The following SLC26A11 variants were observed in gnomAD, a reference collection of about 807,000 sequenced individuals.
The protein encoded by SLC26A11 is sodium-independent sulfate anion transporter.
SLC26A11 carries 58 observed loss-of-function variants against 62.2 expected under a neutral mutation model. That is an observed-to-expected ratio of 0.93 (90% CI 0.76 to 1.16). The LOEUF is 1.16. Ranked by LOEUF, SLC26A11 falls within the 50% of genes most tolerant of loss-of-function variation. SLC26A11 has a pLI of 0.00. For missense variants in SLC26A11, 790 were observed against 794.3 expected (o/e 0.99, Z 0.06); for synonymous variants, 411 against 368.9 (o/e 1.11, Z -1.31).
rs1385666774 is a variant in SLC26A11 at position 80,251,391 on chromosome 17, G to A, written c.1719G>A (p.Leu573=). ...DLKGFQYFST[L]EEAEKHLRQE... is the part of the protein sequence containing the mutation. The stretch of plus-strand genomic sequence containing the variant: ...AGGGGTTCCAGTACTTCTCTACCCT[G>A]GAAGAAGCAGGTGGGCACAGTCAGA... The change falls in exon 17 of 18, where the codon CTG becomes CTA. Residue 573 remains leucine, a synonymous_variant. Transcript: ENST00000361193. The A allele has an allele frequency of 1.2e-6, 2 of 1,614,056 alleles. No individual in the cohort carries two copies. Among genetic ancestry groups the A allele is most frequent in the Admixed American group, 1.7e-5 (1 of 59,988 alleles).
In SLC26A11 at chr17:80,245,262, T is replaced by C; in HGVS notation, c.1097+6T>C. On this transcript the variant is annotated splice_donor_region_variant and intron_variant, in intron 11 of 17. Coordinates refer to ENST00000361193, the MANE Select transcript of SLC26A11 (RefSeq NM_001166347.2). ...GTCACAGGCAGCTTTGGACGGTGAG[T>C]GACCTGTCCGCCTCTTCTGTTTGCC... The C allele has an allele frequency of 1.2e-6, 2 of 1,613,658 alleles. No individual in the cohort carries two copies. Among genetic ancestry groups the C allele is most frequent in the South Asian group, 2.2e-5 (2 of 91,058 alleles).
chr17:80,246,412 C>T lies in SLC26A11; in HGVS notation c.1154-97C>T, dbSNP rs1431838968. The T allele has an allele frequency of 2.6e-6, 4 of 1,540,650 alleles. No individual in the cohort carries two copies. Among genetic ancestry groups the T allele is most frequent in the Non-Finnish European group, 3.5e-6 (4 of 1,140,818 alleles). On this transcript the variant is annotated intron_variant, in intron 12 of 17. Coordinates refer to ENST00000361193, the MANE Select transcript of SLC26A11 (RefSeq NM_001166347.2). The surrounding 1 kb of genome is among the most constrained non-coding windows in gnomAD (Gnocchi z 4.4). ...TGGCAGTCGTCGCCCTACCCCCACC[C>T]CTGTCCCCAGTGGGCTCTGCTGAAC... is the stretch of plus-strand genomic sequence containing the variant.
At chr17:80,249,548 G>A (rs2043103678) in intron 16 of SLC26A11, among the ~76,000 whole-genome samples, 1 of 152,180 alleles carries the variant, frequency 6.6e-6, no homozygotes, top group African/African-American at 2.4e-5. Flanking sequence ...CCTTTGTGCT[G>A]GGGACACACA....
chr17:80,245,192 C>G lies in SLC26A11; in HGVS notation c.1037-4C>G. 1 of 1,613,922 alleles carries G rather than the reference C, an allele frequency of 6.2e-7. No homozygotes were observed. The highest frequency in any genetic ancestry group is 8.5e-7 in the Non-Finnish European group (1 of 1,179,964). The stretch of plus-strand genomic sequence containing the variant: ...ACGATCAGCCTGTCTTGCCTCCTCC[C>G]CAGGTCTCACCAACATGTTGGGCTC... On this transcript the variant is annotated splice_polypyrimidine_tract_variant and splice_region_variant and intron_variant, in intron 10 of 17. Transcript: ENST00000361193.
chr17:80,237,679 T>C, intron 9 of SLC26A11, 85 bp downstream of exon 9: 1 of 1,286,192 alleles, frequency 7.8e-7, no homozygotes, highest in South Asian at 1.3e-5. Flanking sequence ...CCTTTATCCG[T>C]TACTAGTTTT....
chr17:80,249,631 C>T (rs1054000394), intron 16 of SLC26A11, among the ~76,000 whole-genome samples: 4 of 152,138 alleles, frequency 2.6e-5, no homozygotes, highest in Non-Finnish European at 5.9e-5. Context: ...TGAGGCTAGG[C>T]GTGGTGGCAC....
intron 10 of SLC26A11, 39 bp from the exon 11 acceptor site, chr17:80,245,156 GC>G: frequency 6.3e-7 from 1 of 1,596,114 alleles, no homozygotes; most frequent in African/African-American, 1.3e-5. Flanking sequence ...CATCCTGTGT[GC>G]CTTCCCTCCA....
Position 80,223,036 on chromosome 17 carries a change from G to A in SLC26A11, c.427+189G>A. 1 of 733,248 alleles carries A rather than the reference G, an allele frequency of 1.4e-6. No individual in the cohort carries two copies. Among genetic ancestry groups the A allele is most frequent in the Non-Finnish European group, 2.2e-6 (1 of 447,282 alleles). The allele number at this position is 733,248 out of a possible 1,614,324, so 45.4% of individuals were successfully genotyped here. ...TTAGTCTACTCTTTTCTGCTTAGAG[G>A]CCAGGACACTTGGAGAAGTGCCTGT... On this transcript the variant is annotated intron_variant, in intron 4 of 17. Coordinates refer to ENST00000361193, the MANE Select transcript of SLC26A11 (RefSeq NM_001166347.2). This position sits in a 1 kb window ranked among gnomAD's most constrained non-coding sequence, Gnocchi z 4.6.
At chr17:80,239,629 A>G (rs140050695) in intron 9 of SLC26A11, among the ~76,000 whole-genome samples, 21,217 of 151,162 alleles carry the variant, frequency 0.14, 2,202 homozygotes, top group African/African-American at 0.29. Flanking sequence ...TGCCTGCCTT[A>G]GCCTCTCAAA....
intron 9 of SLC26A11, among the ~76,000 whole-genome samples, chr17:80,241,423 C>G (rs1176247053): frequency 2.6e-5 from 4 of 152,134 alleles, no homozygotes; most frequent in Non-Finnish European, 5.9e-5. Flanking sequence ...CCATGCTTGG[C>G]TAATTTTTGT....
At chr17:80,239,391 C>CTTTCCT (rs1555629305) in intron 9 of SLC26A11, among the ~76,000 whole-genome samples, 1 of 131,606 alleles carries the variant, frequency 7.6e-6, no homozygotes, top group African/African-American at 2.8e-5. Context: ...CCAGTAATTT[C>CTTTCCT]TTTTTTTTTT....
At position 80,245,691 on chromosome 17, in the gene SLC26A11, G is replaced by A. The variant is rs566399764; in HGVS notation, c.1097+435G>A. Among the ~76,000 whole-genome samples, 7 of 152,330 alleles carry A rather than the reference G, an allele frequency of 4.6e-5. No homozygotes were observed. In the East Asian group the frequency reaches 9.7e-4, roughly 21 times the overall value. On this transcript the variant is annotated intron_variant, in intron 11 of 17. Coordinates refer to ENST00000361193, the MANE Select transcript of SLC26A11 (RefSeq NM_001166347.2). ...TGGTGCCAGAGTCAATTCCTGAAAG[G>A]ACGTGGAGATAGGAAGGGCCTCGGC...
chr17:80,237,681 A>T (rs2042737384), intron 9 of SLC26A11, 87 bp downstream of exon 9: 51 of 1,285,880 alleles, frequency 4.0e-5, no homozygotes, highest in Non-Finnish European at 5.4e-5. Flanking sequence ...TTTATCCGTT[A>T]CTAGTTTTAG....
rs1244284194 is a variant in SLC26A11 at position 80,245,126 on chromosome 17, C to T, written c.1037-70C>T. ...GCCTCCCTTCTGGGTTTTTGTCCCC[C>T]TCCCCATCTCCTTTCCCTCCATCCT... On this transcript the variant is annotated intron_variant, in intron 10 of 17. Coordinates refer to ENST00000361193, the MANE Select transcript of SLC26A11 (RefSeq NM_001166347.2). 6.1e-6 allele frequency: 9 copies of T among 1,467,992 alleles called. No individual in the cohort carries two copies. In the African/African-American group the frequency reaches 6.9e-5, roughly 11 times the overall value. 90.9% of individuals were successfully genotyped at this position (1,467,992 alleles called of 1,614,324 possible). A position where few individuals can be genotyped will look rare whatever the true frequency, so the allele number is the denominator to read the frequency against.
At chr17:80,236,226 A>C (rs1037245955) in intron 7 of SLC26A11, among the ~76,000 whole-genome samples, 1 of 152,128 alleles carries the variant, frequency 6.6e-6, no homozygotes, top group African/African-American at 2.4e-5. Context: ...ATTTTCGCCC[A>C]GCTTTGCCTC....
At chr17:80,225,746 C>G in intron 5 of SLC26A11, 91 bp from the exon 6 acceptor site, 2 of 1,162,412 alleles carry the variant, frequency 1.7e-6, no homozygotes, top group Admixed American at 3.5e-5. Flanking sequence ...GGGACACTGT[C>G]TCAGCCCTAG....
At chr17:80,239,583 G>A (rs956380142) in intron 9 of SLC26A11, among the ~76,000 whole-genome samples, 2 of 151,570 alleles carry the variant, frequency 1.3e-5, no homozygotes, top group Non-Finnish European at 2.9e-5. Context: ...TAGAGACGGG[G>A]TTTCACCGTG....
chr17:80,221,989 G>A (rs1477366653), intron 3 of SLC26A11, 195 bp downstream of exon 3: 12 of 611,434 alleles, frequency 2.0e-5, no homozygotes, highest in South Asian at 2.2e-5. Flanking sequence ...CAGACACTGA[G>A]CTGGTTATGG....
chr17:80,229,701 A>G (rs2042510641), intron 7 of SLC26A11, among the ~76,000 whole-genome samples: 1 of 152,128 alleles, frequency 6.6e-6, no homozygotes, highest in Non-Finnish European at 1.5e-5. Context: ...AAGTGCTGAG[A>G]TTATAGGCGT....
Sources: gnomAD v4.1 joint callset for allele counts (sites outside exome capture counted in the v4.1 genomes callset) on GRCh38, gnomAD v4.1.1 for gene constraint, Gnocchi (gnomAD v3.1) non-coding constraint, MANE v1.5 for transcripts, NCBI Gene and HGNC (gene_info 2026-07-23, HGNC 2026-07-21) for gene names.